Variants in PARN observed in about 807,000 individuals in gnomAD.
The protein encoded by PARN is poly(A)-specific ribonuclease, also known as poly(A)-specific ribonuclease PARN.
In PARN, 71 loss-of-function variants were observed where a neutral mutation model predicts 102.8. The observed-to-expected ratio is 0.69, with a 90% CI of 0.57 to 0.84. The LOEUF is 0.84. Ranked by LOEUF, PARN falls within the 40% of genes least tolerant of loss-of-function variation. PARN has a pLI of 0.00. For missense variants in PARN, 782 were observed against 760.9 expected, an observed-to-expected ratio of 1.03 and a Z score of -0.33; for synonymous variants, 261 against 252.9, an observed-to-expected ratio of 1.03 and a Z score of -0.30.
intron 21 of PARN, among the ~76,000 whole-genome samples, chr16:14,521,250 C>T (rs1965716553): frequency 6.6e-6 from 1 of 152,150 alleles, no homozygotes; most frequent in African/African-American, 2.4e-5. Context: ...CCCTTCTTTT[C>T]CCTTTAGAAT....
chr16:14,559,076 G>A (rs1483432297), intron 18 of PARN, among the ~76,000 whole-genome samples: 1 of 151,882 alleles, frequency 6.6e-6, no homozygotes, highest in Non-Finnish European at 1.5e-5. Context: ...TGCAATTCTT[G>A]TATTTCTGTT....
At chr16:14,628,353 G>C in intron 2 of PARN, 102 bp from the exon 3 acceptor site, 1 of 684,484 alleles carries the variant, frequency 1.5e-6, no homozygotes, top group Non-Finnish European at 2.5e-6. Flanking sequence ...CACGAATTAA[G>C]GTTACTTGGA....
chr16:14,523,381 T>C (rs145713269), intron 21 of PARN, among the ~76,000 whole-genome samples: 1 of 152,118 alleles, frequency 6.6e-6, no homozygotes, highest in East Asian at 1.9e-4. Context: ...AGTTAGAAAA[T>C]GTACTTTCAA....
At chr16:14,628,804 C>G (rs149892460) in intron 2 of PARN, among the ~76,000 whole-genome samples, 59 of 152,208 alleles carry the variant, frequency 3.9e-4, no homozygotes, top group African/African-American at 1.4e-3. Flanking sequence ...CATGGAAAAT[C>G]AGACAGCAAA....
chr16:14,521,433 C>A (rs1018458970), intron 21 of PARN, among the ~76,000 whole-genome samples: 1 of 152,234 alleles, frequency 6.6e-6, no homozygotes, highest in African/African-American at 2.4e-5. Flanking sequence ...AATAAACACA[C>A]AGAGCCACTC....
At chr16:14,566,512 C>T (rs1968440185) in intron 18 of PARN, among the ~76,000 whole-genome samples, 1 of 152,170 alleles carries the variant, frequency 6.6e-6, no homozygotes, top group South Asian at 2.1e-4. Flanking sequence ...GCCTCCAGAA[C>T]CATGAGAGAT....
chr16:14,580,797 C>T, intron 18 of PARN, 77 bp downstream of exon 18: 2 of 808,536 alleles, frequency 2.5e-6, no homozygotes, highest in Non-Finnish European at 4.2e-6. Context: ...CTCCCAATAA[C>T]TCCAAACTGA....
intron 12 of PARN, among the ~76,000 whole-genome samples, chr16:14,596,556 G>A (rs1254738647): frequency 2.0e-5 from 3 of 151,474 alleles, no homozygotes; most frequent in Non-Finnish European, 4.4e-5. Context: ...GACAACATAG[G>A]AAGACCCCTT....
chr16:14,505,894 T>C (rs911676248), intron 21 of PARN, among the ~76,000 whole-genome samples: 2 of 152,170 alleles, frequency 1.3e-5, no homozygotes, highest in Non-Finnish European at 2.9e-5. Flanking sequence ...CAATGGACAT[T>C]AATGCTGCTG....
At chr16:14,446,595 G>C (rs1023579050) in intron 23 of PARN, among the ~76,000 whole-genome samples, 3 of 152,090 alleles carry the variant, frequency 2.0e-5, no homozygotes, top group African/African-American at 7.2e-5. Flanking sequence ...AAATATTGAG[G>C]CTGCTTTAAA....
intron 22 of PARN, among the ~76,000 whole-genome samples, chr16:14,473,356 C>G (rs950945315): frequency 6.6e-6 from 1 of 152,180 alleles, no homozygotes. Context: ...CTTATAAGAT[C>G]TACATTGAAT....
intron 7 of PARN, 83 bp downstream of exon 7, chr16:14,610,561 A>G (rs1484965535): frequency 1.2e-6 from 1 of 811,664 alleles, no homozygotes; most frequent in African/African-American, 1.7e-5. Context: ...CTATGTTTGT[A>G]AAGCACAGGT....
At chr16:14,588,684 C>T (rs1178285514) in intron 13 of PARN, among the ~76,000 whole-genome samples, 1 of 152,046 alleles carries the variant, frequency 6.6e-6, no homozygotes, top group East Asian at 1.9e-4. Flanking sequence ...TCGAGACCAG[C>T]CTGGCAAGCA....
intron 22 of PARN, among the ~76,000 whole-genome samples, chr16:14,479,260 A>C (rs958242165): frequency 1.3e-5 from 2 of 152,056 alleles, no homozygotes; most frequent in African/African-American, 4.8e-5. Flanking sequence ...CTCTACAAAA[A>C]AATTTTTAAA....
intron 22 of PARN, among the ~76,000 whole-genome samples, chr16:14,475,919 G>C (rs777162105): frequency 6.6e-6 from 1 of 152,186 alleles, no homozygotes; most frequent in Non-Finnish European, 1.5e-5. Flanking sequence ...TATCCATGGG[G>C]TTTACACAAT....
At chr16:14,613,941 C>A (rs950710979) in intron 6 of PARN, among the ~76,000 whole-genome samples, 7 of 152,002 alleles carry the variant, frequency 4.6e-5, no homozygotes, top group Non-Finnish European at 8.8e-5. Flanking sequence ...ATGAGTAGTA[C>A]TCTCAAAAAA....
intron 18 of PARN, among the ~76,000 whole-genome samples, chr16:14,569,783 G>C (rs1263871972): frequency 6.6e-6 from 1 of 152,172 alleles, no homozygotes; most frequent in Non-Finnish European, 1.5e-5. Context: ...GCAGAAGATA[G>C]GGAGTTACTG....
chr16:14,452,142 C>T (rs1961492222), intron 22 of PARN, among the ~76,000 whole-genome samples: 1 of 152,140 alleles, frequency 6.6e-6, no homozygotes, highest in South Asian at 2.1e-4. Flanking sequence ...TTAGCATTAA[C>T]TTCAAGCAAT....
intron 23 of PARN, among the ~76,000 whole-genome samples, chr16:14,442,771 C>A (rs973898652): frequency 6.6e-6 from 1 of 152,168 alleles, no homozygotes; most frequent in African/African-American, 2.4e-5. Context: ...CCATTCCCAG[C>A]TAATTTTTGT....
Sources: gnomAD v4.1 joint callset for allele counts (sites outside exome capture counted in the v4.1 genomes callset) on GRCh38, gnomAD v4.1.1 for gene constraint, MANE v1.5 for transcripts, NCBI Gene and HGNC (gene_info 2026-07-23, HGNC 2026-07-21) for gene names.